FNDC3A: variants seen among roughly 807,000 people sequenced by gnomAD.
FNDC3A encodes fibronectin type III domain containing 3A, also known as fibronectin type-III domain-containing protein 3A.
In FNDC3A, 32 loss-of-function variants were observed where a neutral mutation model predicts 148.9. The ratio of observed to expected loss-of-function variants is 0.21; its 90% CI spans 0.16 to 0.29. The LOEUF is 0.29. Among genes scored for constraint, FNDC3A ranks in the 10% least tolerant of loss-of-function variants. The pLI is 1.00. For synonymous variants in FNDC3A, 472 were observed against 473.6 expected, an observed-to-expected ratio of 1.00 and a Z score of 0.04; for missense variants, 1,191 against 1,452.8, an observed-to-expected ratio of 0.82 and a Z score of 2.93.
At chr13:49,148,038 A>G (rs1167616192) in intron 8 of FNDC3A, among the ~76,000 whole-genome samples, 2 of 150,604 alleles carry the variant, frequency 1.3e-5, no homozygotes, top group African/African-American at 2.4e-5. Context: ...AGAAATGTCT[A>G]TTCATGTCCT....
intron 4 of FNDC3A, 49 bp from the exon 5 acceptor site, chr13:49,131,088 A>ATTG (rs1882000645): frequency 7.0e-7 from 1 of 1,431,418 alleles, no homozygotes. Flanking sequence ...TTTTAAAAGA[A>ATTG]TTGTTTATAT....
intron 1 of FNDC3A, among the ~76,000 whole-genome samples, chr13:49,004,524 A>G (rs1486937150): frequency 6.6e-6 from 1 of 152,050 alleles, no homozygotes; most frequent in African/African-American, 2.4e-5. Context: ...GTGGCTCTAT[A>G]CCCAGTCTCT....
intron 8 of FNDC3A, among the ~76,000 whole-genome samples, chr13:49,153,485 G>C (rs1046121239): frequency 6.6e-6 from 1 of 152,202 alleles, no homozygotes; most frequent in South Asian, 2.1e-4. Flanking sequence ...TCACTCTGAT[G>C]GTAGTTTCTT....
intron 8 of FNDC3A, among the ~76,000 whole-genome samples, chr13:49,155,177 T>C (rs1883578208): frequency 6.6e-6 from 1 of 151,906 alleles, no homozygotes; most frequent in African/African-American, 2.4e-5. Flanking sequence ...AAACTATTGA[T>C]TATCGCCACA....
intron 5 of FNDC3A, among the ~76,000 whole-genome samples, chr13:49,133,433 A>G (rs1882152316): frequency 6.6e-6 from 1 of 152,222 alleles, no homozygotes; most frequent in East Asian, 1.9e-4. Flanking sequence ...ATCTACATTG[A>G]TATGAAGGAA....
chr13:49,191,596 T>TA (rs1289050418), intron 19 of FNDC3A, among the ~76,000 whole-genome samples: 1 of 152,246 alleles, frequency 6.6e-6, no homozygotes, highest in Non-Finnish European at 1.5e-5. Flanking sequence ...AGATCCCACT[T>TA]ACAGTTTGTG....
chr13:49,170,515 T>C (rs1218764780), intron 10 of FNDC3A, among the ~76,000 whole-genome samples: 2 of 152,162 alleles, frequency 1.3e-5, no homozygotes, highest in African/African-American at 4.8e-5. Context: ...AAAAGCTCAC[T>C]AAAGATGGTC....
At chr13:49,028,726 T>C (rs1873905029) in intron 2 of FNDC3A, among the ~76,000 whole-genome samples, 1 of 152,208 alleles carries the variant, frequency 6.6e-6, no homozygotes, top group Non-Finnish European at 1.5e-5. Context: ...ACCATCAAGC[T>C]GCCAAATATC....
chr13:49,088,540 A>G (rs1176187460), intron 3 of FNDC3A, among the ~76,000 whole-genome samples: 4 of 152,218 alleles, frequency 2.6e-5, no homozygotes, highest in Non-Finnish European at 5.9e-5. Flanking sequence ...ATGAGTGGTC[A>G]ATTCTCACTT....
At chr13:49,022,884 G>A (rs1003063590) in intron 2 of FNDC3A, among the ~76,000 whole-genome samples, 13 of 151,872 alleles carry the variant, frequency 8.6e-5, no homozygotes, top group African/African-American at 1.9e-4. Flanking sequence ...TGCTATTACC[G>A]TTAACTTTTC....
intron 2 of FNDC3A, among the ~76,000 whole-genome samples, chr13:49,031,812 G>C (rs1874140362): frequency 6.6e-6 from 1 of 152,040 alleles, no homozygotes; most frequent in Admixed American, 6.6e-5. Flanking sequence ...ATTTTGTGTT[G>C]TAAGTTTTGT....
intron 3 of FNDC3A, among the ~76,000 whole-genome samples, chr13:49,114,442 T>G (rs1447714145): frequency 4.7e-5 from 6 of 127,120 alleles, no homozygotes; most frequent in Non-Finnish European, 9.8e-5. Flanking sequence ...CCCCAGCAAC[T>G]TTAAAAAACA....
intron 8 of FNDC3A, among the ~76,000 whole-genome samples, chr13:49,150,549 T>C (rs1883230058): frequency 6.6e-6 from 1 of 152,164 alleles, no homozygotes; most frequent in Admixed American, 6.6e-5. Flanking sequence ...GCATGTTGTT[T>C]AGTTTCCAGG....
chr13:49,093,471 T>C (rs1294855962), intron 3 of FNDC3A, among the ~76,000 whole-genome samples: 1 of 152,206 alleles, frequency 6.6e-6, no homozygotes, highest in Non-Finnish European at 1.5e-5. Context: ...TACATGTGAC[T>C]AACCTATTCA....
chr13:49,124,053 G>T (rs1370314251), intron 4 of FNDC3A, among the ~76,000 whole-genome samples: 1 of 152,150 alleles, frequency 6.6e-6, no homozygotes, highest in East Asian at 1.9e-4. Flanking sequence ...TATGTTTATT[G>T]CAGCACTATT....
intron 1 of FNDC3A, among the ~76,000 whole-genome samples, chr13:48,996,589 C>A (rs1952028431): frequency 6.6e-6 from 1 of 152,106 alleles, no homozygotes; most frequent in Non-Finnish European, 1.5e-5. Flanking sequence ...GCAAATACTA[C>A]AACATTTATA....
chr13:49,080,097 C>T (rs2137792663), intron 3 of FNDC3A, among the ~76,000 whole-genome samples: 1 of 152,128 alleles, frequency 6.6e-6, no homozygotes, highest in South Asian at 2.1e-4. Flanking sequence ...GTACCTGGCC[C>T]AATATTTGTT....
At chr13:49,108,066 G>C (rs1457962050) in intron 3 of FNDC3A, among the ~76,000 whole-genome samples, 1 of 152,132 alleles carries the variant, frequency 6.6e-6, no homozygotes, top group Non-Finnish European at 1.5e-5. Context: ...AGAAAGATAT[G>C]ATGGCCACAT....
In FNDC3A at chr13:49,036,892, G is replaced by A. The variant is rs190513002; in HGVS notation, c.99+30603G>A. ...AGCAGAAATCAAGTCTGAACTAATT[G>A]TCATGCCAAAGAATAGTAAGTAAGT... On this transcript the variant is annotated intron_variant, in intron 2 of 25. Transcript: ENST00000492622. Among the ~76,000 whole-genome samples the A allele has an allele frequency of 7.9e-5, 12 of 152,296 alleles. No homozygotes were observed. In the East Asian group the frequency reaches 2.3e-3, roughly 29 times the overall value.
Sources: gnomAD v4.1 joint callset for allele counts (sites outside exome capture counted in the v4.1 genomes callset) on GRCh38, gnomAD v4.1.1 for gene constraint, MANE v1.5 for transcripts, NCBI Gene and HGNC (gene_info 2026-07-23, HGNC 2026-07-21) for gene names.